Variants in YTHDF2 observed in about 807,000 individuals in gnomAD.
The protein encoded by YTHDF2 is YTH N6-methyladenosine RNA binding protein F2.
A neutral mutation model predicts 50.4 loss-of-function variants in YTHDF2; 2 were observed. The observed-to-expected ratio is 0.04, with a 90% CI of 0.02 to 0.12. YTHDF2 has a LOEUF of 0.12. Ranked by LOEUF, YTHDF2 falls within the 10% of genes least tolerant of loss-of-function variation. YTHDF2 has a pLI of 1.00. For missense variants in YTHDF2, 483 were observed against 722.6 expected, an observed-to-expected ratio of 0.67 and a Z score of 3.80; for synonymous variants, 217 against 255.6, an observed-to-expected ratio of 0.85 and a Z score of 1.44.
chr1:28,737,808 C>T (rs1570458313), intron 2 of YTHDF2, 126 bp downstream of exon 2: 25 of 1,132,598 alleles, frequency 2.2e-5, no homozygotes, highest in Non-Finnish European at 3.0e-5. Flanking sequence ...GTGCCGCACA[C>T]TTAAGTATTT....
At chr1:28,751,974 A>C (rs745325154) in intron 4 of YTHDF2, among the ~76,000 whole-genome samples, 2 of 152,186 alleles carry the variant, frequency 1.3e-5, no homozygotes, top group Non-Finnish European at 2.9e-5. Flanking sequence ...AAGCTTAGCT[A>C]TCTTATCTAA....
intron 4 of YTHDF2, among the ~76,000 whole-genome samples, chr1:28,754,263 C>G (rs2088003224): frequency 6.6e-6 from 1 of 152,190 alleles, no homozygotes; most frequent in Non-Finnish European, 1.5e-5. Context: ...TGAGTTGGCT[C>G]ACGCCTCTAA....
chr1:28,749,882 T>G (rs1272481723), intron 4 of YTHDF2, among the ~76,000 whole-genome samples: 1 of 152,022 alleles, frequency 6.6e-6, no homozygotes, highest in East Asian at 1.9e-4. Flanking sequence ...CAGTTTGAGT[T>G]TTAGTCTAAA....
intron 4 of YTHDF2, among the ~76,000 whole-genome samples, chr1:28,755,150 G>A (rs540231637): frequency 6.6e-6 from 1 of 152,076 alleles, no homozygotes; most frequent in South Asian, 2.1e-4. Context: ...ATGATGAGAG[G>A]AGCAGCAGTT....
chr1:28,755,011 A>G (rs575814933), intron 4 of YTHDF2, among the ~76,000 whole-genome samples: 25 of 151,444 alleles, frequency 1.7e-4, no homozygotes, highest in African/African-American at 5.6e-4. Flanking sequence ...CAGAGACTAA[A>G]CGAGATGCTT....
At chr1:28,755,374 T>A (rs548110305) in intron 4 of YTHDF2, among the ~76,000 whole-genome samples, 2 of 152,210 alleles carry the variant, frequency 1.3e-5, no homozygotes, top group South Asian at 2.1e-4. Context: ...TATTGAATGC[T>A]CTGTACAGTG....
At chr1:28,746,894 C>A (rs772492013) in intron 4 of YTHDF2, among the ~76,000 whole-genome samples, 2 of 152,052 alleles carry the variant, frequency 1.3e-5, no homozygotes, top group Non-Finnish European at 2.9e-5. Context: ...CCAGCCTGAT[C>A]AACATGGAGA....
intron 3 of YTHDF2, among the ~76,000 whole-genome samples, chr1:28,741,518 C>T (rs1191665064): frequency 1.3e-5 from 2 of 152,072 alleles, no homozygotes; most frequent in African/African-American, 4.8e-5. Context: ...AGGCTGGTCT[C>T]GAACTGACCT....
At chr1:28,740,097 T>C (rs1482349986) in intron 3 of YTHDF2, among the ~76,000 whole-genome samples, 1 of 152,228 alleles carries the variant, frequency 6.6e-6, no homozygotes, top group African/African-American at 2.4e-5. Flanking sequence ...AGAAACCACT[T>C]GAGCAAGTGA....
At chr1:28,757,602 G>T (rs989094659) in intron 4 of YTHDF2, among the ~76,000 whole-genome samples, 5 of 151,146 alleles carry the variant, frequency 3.3e-5, no homozygotes, top group Middle Eastern at 3.4e-3. Flanking sequence ...AGTTTTTTTT[G>T]AGTAATGTGG....
chr1:28,736,849 C>T (rs2087694905), upstream of YTHDF2: 1 of 390,556 alleles, frequency 2.6e-6, no homozygotes, highest in Non-Finnish European at 4.6e-6. Flanking sequence ...CCGCGCGCGC[C>T]GCCCGCCTCC....
At position 28,737,654 on chromosome 1, in the gene YTHDF2, G is replaced by A. The variant is rs2087715105; in HGVS notation, c.28-4G>A. 6.2e-7 allele frequency: 1 copy of A among 1,613,618 alleles called. No homozygotes were observed. Among genetic ancestry groups the A allele is most frequent in the Non-Finnish European group, 8.5e-7 (1 of 1,179,768 alleles). ...CTGCTCGGCGACGTTTCCTTCCCCT[G>A]CAGAGACCAAAAGGTCAAGGAAACA... On this transcript the variant is annotated splice_polypyrimidine_tract_variant and splice_region_variant and intron_variant, in intron 1 of 4. Coordinates refer to ENST00000373812, the MANE Select transcript of YTHDF2 (RefSeq NM_016258.3).
chr1:28,760,600 CAG>C (rs1340639376), intron 4 of YTHDF2, among the ~76,000 whole-genome samples: 2 of 151,340 alleles, frequency 1.3e-5, no homozygotes, highest in Non-Finnish European at 2.9e-5. Flanking sequence ...TTTTTTGAGA[CAG>C]AATCTCACTC....
rs1319802508 is a variant in YTHDF2, at chr1:28,743,937, A to G, written c.1667A>G (p.Asp556Gly). ...SYKHTTSIFDDFSHYEKRQEE... is the reference protein window; with the variant it reads ...SYKHTTSIFDGFSHYEKRQEE... ...AAGCACACCACTTCCATTTTTGATGACTTCTCACACTATGAGAAACGCCAA... is the reference window on the plus strand; with the variant it reads ...AAGCACACCACTTCCATTTTTGATGGCTTCTCACACTATGAGAAACGCCAA... Residue 556 changes from aspartate (D) to glycine (G), a missense_variant, in exon 4 of 5, where the codon GAC becomes GGC. By Grantham distance (94) the Asp-to-Gly change is moderately conservative. This residue lies in a region of YTHDF2 where 38 missense variants were observed against 60.1 expected (regional missense o/e 0.63). Coordinates refer to ENST00000373812, the MANE Select transcript of YTHDF2 (RefSeq NM_016258.3). This position sits in a 1 kb window ranked among gnomAD's most constrained non-coding sequence, Gnocchi z 6.9. 1 of 1,575,368 alleles carries G rather than the reference A, an allele frequency of 6.3e-7. No individual in the cohort carries two copies. Among genetic ancestry groups the G allele is most frequent in the Admixed American group, 1.9e-5 (1 of 51,800 alleles).
intron 4 of YTHDF2, among the ~76,000 whole-genome samples, 169 bp from the exon 5 acceptor site, chr1:28,768,756 AAAAC>A (rs1400198058): frequency 1.3e-5 from 2 of 152,216 alleles, no homozygotes. Context: ...TTAAGTGTTT[AAAAC>A]AAAGTAAAAG....
rs1038921996 is a variant in YTHDF2 at position 28,737,651 on chromosome 1, C to T, written c.28-7C>T. 1.2e-6 allele frequency: 2 copies of T among 1,613,892 alleles called. No homozygotes were observed. Among genetic ancestry groups the T allele is most frequent in the Non-Finnish European group, 1.7e-6 (2 of 1,179,882 alleles). ...TTGCTGCTCGGCGACGTTTCCTTCC[C>T]CTGCAGAGACCAAAAGGTCAAGGAA... On this transcript the variant is annotated splice_polypyrimidine_tract_variant and splice_region_variant and intron_variant, in intron 1 of 4. Coordinates refer to ENST00000373812, the MANE Select transcript of YTHDF2 (RefSeq NM_016258.3).
Position 28,743,998 on chromosome 1 carries a change from C to A in YTHDF2, c.1716+12C>A, listed in dbSNP as rs371692147. On this transcript the variant is annotated intron_variant, in intron 4 of 4. Coordinates refer to ENST00000373812, the MANE Select transcript of YTHDF2 (RefSeq NM_016258.3). This position sits in a 1 kb window ranked among gnomAD's most constrained non-coding sequence, Gnocchi z 6.9. The stretch of plus-strand genomic sequence containing the variant: ...AAAGTGTTAAAAAGGTAACCCACTT[C>A]TTCTTATTAAGATTTTTAGGGAAGG... The A allele has an allele frequency of 2.0e-6, 3 of 1,522,108 alleles. No homozygotes were observed. The highest frequency in any genetic ancestry group is 2.8e-5 in the African/African-American group (2 of 71,600). 94.3% of individuals were successfully genotyped at this position (1,522,108 alleles called of 1,614,324 possible). A position where few individuals can be genotyped will look rare whatever the true frequency, so the allele number is the denominator to read the frequency against.
Position 28,758,608 on chromosome 1 carries a change from A to T in YTHDF2, c.1717-10321A>T, listed in dbSNP as rs926007489. Among the ~76,000 whole-genome samples the T allele has an allele frequency of 1.1e-4, 16 of 152,330 alleles. 1 individual carries two copies. The highest frequency in any genetic ancestry group is 6.8e-3 in the Middle Eastern group (2 of 294). On this transcript the variant is annotated intron_variant, in intron 4 of 4. Coordinates refer to ENST00000373812, the MANE Select transcript of YTHDF2 (RefSeq NM_016258.3). ...CTGCTAATTACAGGCAGCAGGAATA[A>T]GGAAGAGTGTAAACAGTTCTGGATA...
chr1:28,737,049 G>C lies in YTHDF2; in HGVS notation c.-72G>C. The C allele has an allele frequency of 6.5e-7, 1 of 1,542,786 alleles. No individual in the cohort carries two copies. Among genetic ancestry groups the C allele is most frequent in the South Asian group, 1.2e-5 (1 of 84,320 alleles). ...AAAGCCTCCGCCTGCTCCCGCAGAC[G>C]GGGCTCATCTGCCGCCGCCGCCGCG... On this transcript the variant is annotated 5_prime_UTR_variant, in exon 1 of 5. Coordinates refer to ENST00000373812, the MANE Select transcript of YTHDF2 (RefSeq NM_016258.3).
Sources: allele counts gnomAD v4.1 joint callset (sites outside exome capture counted in the v4.1 genomes callset), GRCh38; gene constraint gnomAD v4.1.1; regional missense constraint gnomAD v4.1.1; non-coding constraint Gnocchi (gnomAD v3.1); transcripts MANE v1.5; gene names NCBI Gene and HGNC (gene_info 2026-07-23, HGNC 2026-07-21).